The following UNC5D variants were observed in gnomAD, a reference collection of about 807,000 sequenced individuals.
UNC5D encodes netrin receptor UNC5D.
In UNC5D, 39 loss-of-function variants were observed where a neutral mutation model predicts 105.4. That is an observed-to-expected ratio of 0.37 (90% CI 0.29 to 0.48). The LOEUF (loss-of-function observed/expected upper bound fraction) is 0.48, where lower values mean the gene tolerates loss of function less well. Ranked by LOEUF, UNC5D falls within the 20% of genes least tolerant of loss-of-function variation. The pLI, the probability that UNC5D is intolerant of heterozygous loss-of-function variation, is 0.98. For synonymous variants in UNC5D, 452 were observed against 450.4 expected (o/e 1.00, Z -0.04); for missense variants, 991 against 1,202.4 (o/e 0.82, Z 2.60).
rs1318234292 is a variant in UNC5D at position 35,793,607 on chromosome 8, G to T, written c.*3044G>T. ...CTTTAAATTATGCCACCAAAATGGT[G>T]CACTTCACAGATTCACCAGACTGTA... On this transcript the variant is annotated 3_prime_UTR_variant, in exon 17 of 17. Coordinates refer to ENST00000404895, the MANE Select transcript of UNC5D (RefSeq NM_080872.4). The T allele has an allele frequency of 2.0e-5, 3 of 153,230 alleles. No individual in the cohort carries two copies. Among genetic ancestry groups the T allele is most frequent in the Non-Finnish European group, 4.4e-5 (3 of 68,588 alleles). 9.5% of individuals were successfully genotyped at this position (153,230 alleles called of 1,614,324 possible).
intron 1 of UNC5D, among the ~76,000 whole-genome samples, chr8:35,421,312 G>C (rs189594430): frequency 1.3e-5 from 2 of 152,158 alleles, no homozygotes; most frequent in South Asian, 4.1e-4. Context: ...CTTGGCAGCT[G>C]TACCTGGAGA....
At chr8:35,677,634 C>T (rs1244845621) in intron 4 of UNC5D, among the ~76,000 whole-genome samples, 1 of 152,040 alleles carries the variant, frequency 6.6e-6, no homozygotes, top group Non-Finnish European at 1.5e-5. Flanking sequence ...AAGATCCTGC[C>T]ATCAGTTAAA....
intron 1 of UNC5D, among the ~76,000 whole-genome samples, chr8:35,298,586 GTT>G (rs35299004): frequency 1.3e-4 from 14 of 110,564 alleles, no homozygotes; most frequent in East Asian, 2.6e-4. Flanking sequence ...ATTGTTGTAG[GTT>G]TTTTTTTTTT....
chr8:35,384,540 A>C, intron 1 of UNC5D, among the ~76,000 whole-genome samples: 1 of 152,134 alleles, frequency 6.6e-6, no homozygotes, highest in Admixed American at 6.5e-5. Context: ...TATGCTGTGG[A>C]ACTTCACTGT....
chr8:35,319,776 T>C (rs1453552656), intron 1 of UNC5D, among the ~76,000 whole-genome samples: 1 of 151,498 alleles, frequency 6.6e-6, no homozygotes, highest in Non-Finnish European at 1.5e-5. Context: ...ATCAGTAGTA[T>C]TCAGGGACCA....
At chr8:35,574,224 G>A (rs569078193) in intron 3 of UNC5D, among the ~76,000 whole-genome samples, 88 of 105,148 alleles carry the variant, frequency 8.4e-4, no homozygotes, top group African/African-American at 2.6e-3. Context: ...ACCCTTGGCC[G>A]GGCAAACTTT....
chr8:35,329,903 A>G (rs1810482087), intron 1 of UNC5D, among the ~76,000 whole-genome samples: 1 of 152,152 alleles, frequency 6.6e-6, no homozygotes. Flanking sequence ...AACTTGTAAT[A>G]ATAATAATGG....
At position 35,683,745 on chromosome 8, in the gene UNC5D, G is replaced by T; in HGVS notation, c.751+18G>T. ...GGTCTACGGTAAGACCATTCCAAAGGCCAGGAATGGATAGGGAGGGCAGAA... is the reference window on the plus strand; with the variant it reads ...GGTCTACGGTAAGACCATTCCAAAGTCCAGGAATGGATAGGGAGGGCAGAA... On this transcript the variant is annotated intron_variant, in intron 5 of 16. Coordinates refer to ENST00000404895, the MANE Select transcript of UNC5D (RefSeq NM_080872.4). The T allele has an allele frequency of 1.4e-6, 2 of 1,473,350 alleles. No individual in the cohort carries two copies. Among genetic ancestry groups the T allele is most frequent in the Non-Finnish European group, 9.0e-7 (1 of 1,116,980 alleles). The allele number at this position is 1,473,350 out of a possible 1,614,324, so 91.3% of individuals were successfully genotyped here. A position where few individuals can be genotyped will look rare whatever the true frequency, so the allele number is the denominator to read the frequency against.
intron 1 of UNC5D, among the ~76,000 whole-genome samples, chr8:35,368,044 C>T (rs777510429): frequency 3.0e-4 from 45 of 152,090 alleles, no homozygotes; most frequent in Admixed American, 9.2e-4. Context: ...TGTGGGAAAG[C>T]GCATGGTGAA....
At chr8:35,782,320 G>A (rs1802538114) in intron 16 of UNC5D, among the ~76,000 whole-genome samples, 1 of 151,970 alleles carries the variant, frequency 6.6e-6, no homozygotes. Flanking sequence ...TCACATAAGA[G>A]GCCTTCATTA....
intron 1 of UNC5D, among the ~76,000 whole-genome samples, chr8:35,265,597 G>A (rs546290382): frequency 6.6e-5 from 10 of 152,238 alleles, no homozygotes; most frequent in Middle Eastern, 3.4e-3. Context: ...ATGGCTGGGC[G>A]CAGTGGCTCA....
chr8:35,466,712 G>T (rs746875341), intron 1 of UNC5D, among the ~76,000 whole-genome samples: 61 of 152,066 alleles, frequency 4.0e-4, no homozygotes, highest in African/African-American at 1.4e-3. Context: ...ATAATTTACA[G>T]ATTTTTTCAT....
At chr8:35,507,882 A>G (rs930312501) in intron 1 of UNC5D, among the ~76,000 whole-genome samples, 1 of 152,144 alleles carries the variant, frequency 6.6e-6, no homozygotes, top group African/African-American at 2.4e-5. Flanking sequence ...GTAAGTATAC[A>G]TACCTACTAT....
At chr8:35,370,449 T>A (rs935582936) in intron 1 of UNC5D, among the ~76,000 whole-genome samples, 1 of 152,200 alleles carries the variant, frequency 6.6e-6, no homozygotes, top group African/African-American at 2.4e-5. Flanking sequence ...GCCTTGTCAA[T>A]GTAATTGTGT....
chr8:35,356,616 CAT>C lies in UNC5D; in HGVS notation c.103+120730_103+120731del, dbSNP rs543030175. Among the ~76,000 whole-genome samples the C allele has an allele frequency of 5.6e-4, 77 of 136,602 alleles. No individual in the cohort carries two copies. In the East Asian group the frequency reaches 0.016, roughly 29 times the overall value. 89.6% of individuals were successfully genotyped at this position (136,602 alleles called of 152,430 possible). On this transcript the variant is annotated intron_variant, in intron 1 of 16. Coordinates refer to ENST00000404895, the MANE Select transcript of UNC5D (RefSeq NM_080872.4). ...CTTATCGTAGATCTTACTGTAGCAA[CAT>C]CAACAAAGTTTTTTTTTTTTTTCCT... is the stretch of plus-strand genomic sequence containing the variant.
intron 1 of UNC5D, among the ~76,000 whole-genome samples, chr8:35,336,783 G>A (rs1485895524): frequency 9.0e-6 from 1 of 111,110 alleles, no homozygotes; most frequent in East Asian, 2.9e-4. Flanking sequence ...TAGACCAAAG[G>A]AAATAGTGTT....
At chr8:35,334,599 G>A (rs899383563) in intron 1 of UNC5D, among the ~76,000 whole-genome samples, 5 of 151,516 alleles carry the variant, frequency 3.3e-5, no homozygotes, top group Non-Finnish European at 7.4e-5. Context: ...TGCAACCTCC[G>A]TCTCCCAGAT....
chr8:35,464,133 C>A (rs1460834028), intron 1 of UNC5D, among the ~76,000 whole-genome samples: 1 of 152,066 alleles, frequency 6.6e-6, no homozygotes, highest in Non-Finnish European at 1.5e-5. Flanking sequence ...TCGAGACCAG[C>A]CTGGCCAACA....
intron 9 of UNC5D, 83 bp from the exon 10 acceptor site, chr8:35,726,069 T>G: frequency 6.6e-7 from 1 of 1,513,216 alleles, no homozygotes; most frequent in Non-Finnish European, 8.8e-7. Flanking sequence ...TGCAGGCTGT[T>G]GCGCAGTTTG....
Sources: allele counts gnomAD v4.1 joint callset (sites outside exome capture counted in the v4.1 genomes callset), GRCh38; gene constraint gnomAD v4.1.1; transcripts MANE v1.5; gene names NCBI Gene and HGNC (gene_info 2026-07-23, HGNC 2026-07-21).